The following SETDB2 variants were observed in gnomAD, a reference collection of about 807,000 sequenced individuals.
SETDB2 encodes histone-lysine N-methyltransferase SETDB2.
A neutral mutation model predicts 82.5 loss-of-function variants in SETDB2; 56 were observed. The ratio of observed to expected loss-of-function variants is 0.68; its 90% CI spans 0.55 to 0.85. The LOEUF is 0.85. Ranked by LOEUF, SETDB2 falls within the 40% of genes least tolerant of loss-of-function variation. The probability of loss-of-function intolerance (pLI) is 0.00; values close to 1 mark genes in which losing one functional copy is unlikely to be tolerated. For missense variants in SETDB2, 677 were observed against 816.4 expected, an observed-to-expected ratio of 0.83 and a Z score of 2.08; for synonymous variants, 272 against 284.9, an observed-to-expected ratio of 0.95 and a Z score of 0.46.
At chr13:49,472,283 TTAATGG>T (rs889339069) in intron 5 of SETDB2, among the ~76,000 whole-genome samples, 1 of 152,136 alleles carries the variant, frequency 6.6e-6, no homozygotes, top group African/African-American at 2.4e-5. Flanking sequence ...ATATGCCCCC[TTAATGG>T]TCATAGAGGA....
At position 49,488,640 on chromosome 13, in the gene SETDB2, A is replaced by T. The variant is rs1335940979; in HGVS notation, c.1917+10A>T. Reference sequence around the variant, plus strand: ...CGGCCGCTTCCTTAATGTGAGTATAAGGGCTGAGATTCCTATTTCTGAACA... The same window carrying T: ...CGGCCGCTTCCTTAATGTGAGTATATGGGCTGAGATTCCTATTTCTGAACA... On this transcript the variant is annotated intron_variant, in intron 12 of 13. Coordinates refer to ENST00000611815, the MANE Select transcript of SETDB2 (RefSeq NM_001160308.3). 6.5e-7 allele frequency: 1 copy of T among 1,549,618 alleles called. No homozygotes were observed. The highest frequency in any genetic ancestry group is 2.3e-5 in the East Asian group (1 of 44,358).
chr13:49,444,840 C>T lies in SETDB2; in HGVS notation c.-359C>T, dbSNP rs1231176586. ...CAGAAGCAGAACTTGAAGGTTAAAC[C>T]ACTAGCCCATTTCACAGGTAAGATT... is the stretch of plus-strand genomic sequence containing the variant. On this transcript the variant is annotated 5_prime_UTR_variant, in exon 1 of 14. Coordinates refer to ENST00000611815, the MANE Select transcript of SETDB2 (RefSeq NM_001160308.3). 6.6e-6 allele frequency: 1 copy of T among 152,204 alleles called. No individual in the cohort carries two copies. Among genetic ancestry groups the T allele is most frequent in the Non-Finnish European group, 1.5e-5 (1 of 68,074 alleles). The allele number at this position is 152,204 out of a possible 1,614,324, so 9.4% of individuals were successfully genotyped here.
chr13:49,483,513 A>G lies in SETDB2; in HGVS notation c.1432A>G (p.Arg478Gly). Residue 478 changes from arginine (R) to glycine (G), a missense_variant, in exon 10 of 14, where the codon AGA becomes GGA. Around this residue, in one of 3 missense-constraint regions of SETDB2, gnomAD observed 420 missense variants for 554.6 expected, o/e 0.76. Transcript: ENST00000611815. Reference protein sequence around the residue: ...ISRIQYHSVIRDPESKTAIFQ... With the variant: ...ISRIQYHSVIGDPESKTAIFQ... ...AAGAATTCAATATCATTCAGTTATTAGAGATCCTGAATCCAAGACAGCCAT... is the reference window on the plus strand; with the variant it reads ...AAGAATTCAATATCATTCAGTTATTGGAGATCCTGAATCCAAGACAGCCAT... 6.7e-7 allele frequency: 1 copy of G among 1,500,128 alleles called. No homozygotes were observed. The highest frequency in any genetic ancestry group is 1.3e-5 in the South Asian group (1 of 76,450). The allele number at this position is 1,500,128 out of a possible 1,614,324, so 92.9% of individuals were successfully genotyped here.
chr13:49,457,796 C>CT (rs932179807), intron 2 of SETDB2, among the ~76,000 whole-genome samples: 10 of 152,014 alleles, frequency 6.6e-5, no homozygotes, highest in African/African-American at 9.7e-5. Context: ...AGCATCACAG[C>CT]TTTTTTTTCC....
chr13:49,483,609 ATTTTTTTTTTTTTTTTTTTTTTTT>A, intron 10 of SETDB2, 46 bp downstream of exon 10: 1 of 218,438 alleles, frequency 4.6e-6, no homozygotes, highest in South Asian at 4.2e-5. Flanking sequence ...TCTTTTTTAA[ATTTTTTTTTTTTTTTTTTTTTTTT>A]TTTTTTTTTT....
intron 5 of SETDB2, 70 bp downstream of exon 5, chr13:49,468,030 A>G (rs1958152336): frequency 2.0e-5 from 21 of 1,075,336 alleles, no homozygotes; most frequent in Admixed American, 3.0e-5. Context: ...ATCACTTGAC[A>G]TTAGAATAGA....
chr13:49,485,680 A>G lies in SETDB2; in HGVS notation c.1533A>G (p.Lys511=). The change falls in exon 11 of 14, where the codon AAA becomes AAG. Residue 511 remains lysine, a synonymous_variant. Coordinates refer to ENST00000611815, the MANE Select transcript of SETDB2 (RefSeq NM_001160308.3). ...SVTPEDNDGF[K]PPREHLNSKT... is the part of the protein sequence containing the mutation. ...CTCCAGAAGATAATGATGGATTTAA[A>G]CCACCCCGAGAGCATCTGAACTCTA... is the stretch of plus-strand genomic sequence containing the variant. 6.2e-7 allele frequency: 1 copy of G among 1,614,088 alleles called. No homozygotes were observed. Among genetic ancestry groups the G allele is most frequent in the Non-Finnish European group, 8.5e-7 (1 of 1,179,992 alleles).
chr13:49,481,765 G>C (rs1014603101), intron 8 of SETDB2, among the ~76,000 whole-genome samples: 4 of 152,156 alleles, frequency 2.6e-5, no homozygotes, highest in Admixed American at 1.3e-4. Flanking sequence ...CTTATTTTCT[G>C]TGCACATCCT....
At chr13:49,479,227 ATG>A (rs34007182) in intron 6 of SETDB2, among the ~76,000 whole-genome samples, 79,596 of 151,764 alleles carry the variant, frequency 0.52, 20,990 homozygotes, top group Middle Eastern at 0.57. Flanking sequence ...GACCATATAT[ATG>A]TGGTGTATAT....
chr13:49,449,169 A>T (rs962945108), intron 1 of SETDB2, among the ~76,000 whole-genome samples: 1 of 151,928 alleles, frequency 6.6e-6, no homozygotes, highest in African/African-American at 2.4e-5. Flanking sequence ...TAGGTAATTC[A>T]CCTTTATTGT....
chr13:49,474,790 G>C (rs963911781), intron 5 of SETDB2, among the ~76,000 whole-genome samples: 1 of 152,182 alleles, frequency 6.6e-6, no homozygotes, highest in African/African-American at 2.4e-5. Flanking sequence ...CATCCAGTAT[G>C]GTAGCCACTA....
In SETDB2 at chr13:49,480,959, C is replaced by T; in HGVS notation, c.999C>T (p.Cys333=). 2 of 1,613,636 alleles carry T rather than the reference C, an allele frequency of 1.2e-6. No individual in the cohort carries two copies. The highest frequency in any genetic ancestry group is 1.7e-6 in the Non-Finnish European group (2 of 1,179,834). ...ATTTTGTTGACAGCATTTATGAATG[C>T]AGCCTTTTGTGCAAATGTAATCGAC... ...QRQIPTGIYE[C]SLLCKCNRQL... The change falls in exon 8 of 14, where the codon TGC becomes TGT. Residue 333 remains cysteine (C), a synonymous_variant. Coordinates refer to ENST00000611815, the MANE Select transcript of SETDB2 (RefSeq NM_001160308.3).
At chr13:49,483,914 C>T (rs1409912687) in intron 10 of SETDB2, among the ~76,000 whole-genome samples, 1 of 152,192 alleles carries the variant, frequency 6.6e-6, no homozygotes, top group East Asian at 1.9e-4. Flanking sequence ...GCCACCGCAC[C>T]CAGCTGCTGG....
At chr13:49,461,040 C>A in intron 3 of SETDB2, 57 bp from the exon 4 acceptor site, 1 of 1,310,138 alleles carries the variant, frequency 7.6e-7, no homozygotes, top group Non-Finnish European at 1.1e-6. Context: ...TTGTTTAGCA[C>A]AGTAGCTGGC....
At chr13:49,475,110 A>G (rs975313466) in intron 5 of SETDB2, among the ~76,000 whole-genome samples, 12 of 152,246 alleles carry the variant, frequency 7.9e-5, no homozygotes, top group Admixed American at 2.0e-4. Context: ...CCTCACACTC[A>G]TGGCAGAAGG....
intron 6 of SETDB2, among the ~76,000 whole-genome samples, chr13:49,477,829 T>A (rs1420028341): frequency 6.6e-6 from 1 of 152,248 alleles, no homozygotes; most frequent in African/African-American, 2.4e-5. Context: ...TGCATTTTAC[T>A]TTTAAAAATC....
chr13:49,465,366 T>C (rs1044344617), intron 4 of SETDB2, among the ~76,000 whole-genome samples: 1 of 152,222 alleles, frequency 6.6e-6, no homozygotes, highest in African/African-American at 2.4e-5. Context: ...GTAAATCCTA[T>C]TTCCAACTAT....
At chr13:49,471,225 C>T (rs1958234646) in intron 5 of SETDB2, among the ~76,000 whole-genome samples, 1 of 151,810 alleles carries the variant, frequency 6.6e-6, no homozygotes, top group Non-Finnish European at 1.5e-5. Flanking sequence ...AGTCCTCCCT[C>T]CTCAGCTTCC....
intron 6 of SETDB2, among the ~76,000 whole-genome samples, chr13:49,478,275 C>T (rs1022114002): frequency 3.3e-5 from 5 of 152,146 alleles, no homozygotes; most frequent in Admixed American, 2.6e-4. Flanking sequence ...CTAAATGTAA[C>T]CCAACTACCT....
Sources: allele counts gnomAD v4.1 joint callset (sites outside exome capture counted in the v4.1 genomes callset), GRCh38; gene constraint gnomAD v4.1.1; regional missense constraint gnomAD v4.1.1; transcripts MANE v1.5; gene names NCBI Gene and HGNC (gene_info 2026-07-23, HGNC 2026-07-21).